Variants in DNAH6 observed in about 807,000 individuals in gnomAD.
DNAH6 encodes the protein axonemal beta dynein heavy chain 6.
Under a neutral mutation model 491.4 loss-of-function variants are expected in DNAH6, and 340 were observed. The ratio of observed to expected loss-of-function variants is 0.69; its 90% confidence interval spans 0.63 to 0.76. The LOEUF is 0.76. Ranked by LOEUF, DNAH6 falls within the 30% of genes least tolerant of loss-of-function variation. DNAH6 has a pLI of 0.00. For missense variants in DNAH6, 4,443 were observed against 4,972.2 expected (o/e 0.89, Z 3.20); for synonymous variants, 1,603 against 1,686.1 (o/e 0.95, Z 1.21).
the DNAH6 span, among the ~76,000 whole-genome samples, chr2:84,479,437 G>A: frequency 6.6e-6 from 1 of 152,200 alleles, no homozygotes; most frequent in Non-Finnish European, 1.5e-5. Context: ...TCAGGGCAAT[G>A]CTGTCTCAGA....
At chr2:84,751,484 T>C (rs1673468596) in intron 63 of DNAH6, among the ~76,000 whole-genome samples, 1 of 152,200 alleles carries the variant, frequency 6.6e-6, no homozygotes, top group Non-Finnish European at 1.5e-5. Flanking sequence ...TGTTTAGACC[T>C]AAAGATAAAA....
intron 39 of DNAH6, among the ~76,000 whole-genome samples, chr2:84,671,967 A>G (rs558621550): frequency 5.9e-5 from 9 of 152,196 alleles, no homozygotes; most frequent in South Asian, 4.1e-4. Flanking sequence ...TCTTCCTACT[A>G]TGGAAAGAAA....
At chr2:84,535,130 G>A (rs1677562218) in intron 4 of DNAH6, among the ~76,000 whole-genome samples, 1 of 151,708 alleles carries the variant, frequency 6.6e-6, no homozygotes, top group Admixed American at 6.6e-5. Context: ...ACATCCTTGA[G>A]TTTTTAAAAA....
chr2:84,655,266 G>GT (rs1690842425), intron 35 of DNAH6, among the ~76,000 whole-genome samples: 1 of 152,146 alleles, frequency 6.6e-6, no homozygotes, highest in African/African-American at 2.4e-5. Context: ...TACCCCAATA[G>GT]TAGGTGCAAG....
rs138358458 is a variant in DNAH6, at chr2:84,818,310, G to A, written c.12374-995G>A. 1.8e-4 allele frequency among the ~76,000 whole-genome samples: 28 copies of A among 151,758 alleles called. No individual in the cohort carries two copies. The East Asian group carries it at 3.9e-3, about 21-fold the overall frequency. On this transcript the variant is annotated intron_variant, in intron 76 of 76. Transcript: ENST00000389394. ...AACCTGCCAGCCTGGGCAAGATGAC[G>A]AGACCCCGTCTCTACAAAAAATACA...
At chr2:84,819,238 C>A in intron 76 of DNAH6, 67 bp from the exon 77 acceptor site, 3 of 1,158,886 alleles carry the variant, frequency 2.6e-6, no homozygotes, top group East Asian at 2.6e-5. Flanking sequence ...CTCTTTGTAG[C>A]CTCTCTCTTT....
chr2:84,710,424 A>G lies in DNAH6; in HGVS notation c.9378+12A>G. On this transcript the variant is annotated intron_variant, in intron 56 of 76. Coordinates refer to ENST00000389394, the MANE Select transcript of DNAH6 (RefSeq NM_001370.2). Reference sequence around the variant, plus strand: ...TCTTACTGGAAGAGGTTTGATTTTCACTTCCTTTTCTCATGTCAGTTCCCA... The same window carrying G: ...TCTTACTGGAAGAGGTTTGATTTTCGCTTCCTTTTCTCATGTCAGTTCCCA... The G allele has an allele frequency of 2.6e-6, 4 of 1,551,370 alleles. No individual in the cohort carries two copies. The highest frequency in any genetic ancestry group is 3.5e-6 in the Non-Finnish European group (4 of 1,146,734).
rs758855367 is a variant in DNAH6 at position 84,573,575 on chromosome 2, C to G, written c.1912C>G (p.Leu638Val). 4.5e-6 allele frequency: 7 copies of G among 1,569,390 alleles called. No individual in the cohort carries two copies. Among genetic ancestry groups the G allele is most frequent in the Non-Finnish European group, 6.0e-6 (7 of 1,167,610 alleles). ...NESLDLQALKLQEPDINFFSE... is the reference protein window; with the variant it reads ...NESLDLQALKVQEPDINFFSE... ...AAGTCTTGATTTACAAGCTCTTAAA[C>G]TTCAGGAACCTGGTAACTTGTCCAT... is the stretch of plus-strand genomic sequence containing the variant. Residue 638 changes from leucine to valine, a missense_variant, in exon 12 of 77, where the codon CTT becomes GTT. Physicochemically the swap from Leu to Val is conservative, Grantham distance 32 (BLOSUM62 1). Transcript: ENST00000389394.
chr2:84,594,628 C>T (rs1684407387), intron 17 of DNAH6, among the ~76,000 whole-genome samples: 1 of 152,202 alleles, frequency 6.6e-6, no homozygotes, highest in African/African-American at 2.4e-5. Flanking sequence ...AAGGTCAACT[C>T]TCTACAAGGC....
chr2:84,700,107 G>A (rs1695755082), intron 48 of DNAH6, among the ~76,000 whole-genome samples: 1 of 152,186 alleles, frequency 6.6e-6, no homozygotes, highest in African/African-American at 2.4e-5. Flanking sequence ...GACATGTGAG[G>A]TCAAGAGAGA....
chr2:84,465,095 A>T, the DNAH6 span, among the ~76,000 whole-genome samples: 1 of 152,172 alleles, frequency 6.6e-6, no homozygotes, highest in South Asian at 2.1e-4. Flanking sequence ...CTTGCATTCA[A>T]GGTAGAGAGG....
At chr2:84,608,433 C>T (rs1685989247) in intron 21 of DNAH6, among the ~76,000 whole-genome samples, 1 of 152,184 alleles carries the variant, frequency 6.6e-6, no homozygotes, top group Non-Finnish European at 1.5e-5. Flanking sequence ...GTTGAAAGTA[C>T]TCCTTAATCC....
At chr2:84,757,245 G>C (rs980156602) in intron 63 of DNAH6, among the ~76,000 whole-genome samples, 1 of 152,164 alleles carries the variant, frequency 6.6e-6, no homozygotes, top group African/African-American at 2.4e-5. Flanking sequence ...TGAGGACCAA[G>C]CAGGTCAGTG....
chr2:84,584,120 T>C lies in DNAH6; in HGVS notation c.2351T>C (p.Val784Ala). ...AVFATMKPSI[V>A]AVRNAIDKSV... ...TTTGCAACTATGAAGCCATCCATTGTTGCTGTTCGGAATGCCATTGATAAA... is the reference window on the plus strand; with the variant it reads ...TTTGCAACTATGAAGCCATCCATTGCTGCTGTTCGGAATGCCATTGATAAA... Residue 784 changes from valine (V) to alanine (A), a missense_variant, in exon 15 of 77, where the codon GTT (valine) becomes GCT (alanine). By Grantham distance (64) the Val-to-Ala change is moderately conservative. Around this residue, in one of 3 missense-constraint regions of DNAH6, gnomAD observed 2,977 missense variants for 3,296.6 expected, o/e 0.90. Coordinates refer to ENST00000389394, the MANE Select transcript of DNAH6 (RefSeq NM_001370.2). The C allele has an allele frequency of 1.2e-6, 2 of 1,614,198 alleles. No individual in the cohort carries two copies. The highest frequency in any genetic ancestry group is 1.7e-6 in the Non-Finnish European group (2 of 1,180,028).
At chr2:84,483,618 C>G in the DNAH6 span, among the ~76,000 whole-genome samples, 1 of 151,962 alleles carries the variant, frequency 6.6e-6, no homozygotes, top group Non-Finnish European at 1.5e-5. Flanking sequence ...ATATAATCAC[C>G]TAGAATAAGT....
chr2:84,464,632 A>G, the DNAH6 span, among the ~76,000 whole-genome samples: 2 of 152,146 alleles, frequency 1.3e-5, no homozygotes, highest in African/African-American at 2.4e-5. Context: ...TAGATTATTC[A>G]TATCTCCCCT....
At chr2:84,644,563 G>C (rs1338437368) in intron 33 of DNAH6, among the ~76,000 whole-genome samples, 1 of 152,002 alleles carries the variant, frequency 6.6e-6, no homozygotes, top group Non-Finnish European at 1.5e-5. Context: ...GCATCCACTA[G>C]CTATTTTTCC....
intron 75 of DNAH6, among the ~76,000 whole-genome samples, chr2:84,814,679 G>A (rs1439138136): frequency 6.6e-6 from 1 of 152,156 alleles, no homozygotes. Flanking sequence ...CTGCCACAGA[G>A]GCTGATTCTG....
At chr2:84,796,523 C>A (rs1678363482) in intron 69 of DNAH6, 98 bp downstream of exon 69, 1 of 1,082,482 alleles carries the variant, frequency 9.2e-7, no homozygotes, top group Non-Finnish European at 1.3e-6. Flanking sequence ...GTCAGGTCTC[C>A]ACAACGCTGT....
Sources: allele counts gnomAD v4.1 joint callset (sites outside exome capture counted in the v4.1 genomes callset), GRCh38; gene constraint gnomAD v4.1.1; regional missense constraint gnomAD v4.1.1; transcripts MANE v1.5; gene names NCBI Gene and HGNC (gene_info 2026-07-23, HGNC 2026-07-21).